The following CPNE4 variants were observed in gnomAD, a reference collection of about 807,000 sequenced individuals.
CPNE4 encodes copine-4.
CPNE4 carries 25 observed loss-of-function variants against 67.9 expected under a neutral mutation model. The observed-to-expected ratio is 0.37, with a 90% CI of 0.27 to 0.51. The LOEUF (loss-of-function observed/expected upper bound fraction) is 0.51, where lower values mean the gene tolerates loss of function less well. Among genes scored for constraint, CPNE4 ranks in the 20% least tolerant of loss-of-function variants. The pLI, the probability that CPNE4 is intolerant of heterozygous loss-of-function variation, is 0.93. For synonymous variants in CPNE4, 242 were observed against 244.9 expected, an observed-to-expected ratio of 0.99 and a Z score of 0.11; for missense variants, 464 against 690.8, an observed-to-expected ratio of 0.67 and a Z score of 3.68.
intron 1 of CPNE4, among the ~76,000 whole-genome samples, chr3:131,924,314 C>T (rs76026130): frequency 6.6e-6 from 1 of 152,124 alleles, no homozygotes; most frequent in African/African-American, 2.4e-5. Flanking sequence ...GCAAGAGAAG[C>T]AGAAACTGAG....
intron 2 of CPNE4, among the ~76,000 whole-genome samples, chr3:131,836,785 C>T (rs527744920): frequency 6.6e-6 from 1 of 152,166 alleles, no homozygotes; most frequent in Non-Finnish European, 1.5e-5. Context: ...AATGAAAACT[C>T]AAGCTACAGA....
chr3:131,559,327 A>G (rs758215296), intron 11 of CPNE4, among the ~76,000 whole-genome samples: 5 of 152,004 alleles, frequency 3.3e-5, no homozygotes, highest in Admixed American at 6.6e-5. Flanking sequence ...TAGTATTTAC[A>G]TTGATGATAA....
rs920495315 is a variant in CPNE4, at chr3:132,034,656, T to A, written c.-91A>T. The A allele has an allele frequency of 1.7e-5, 17 of 985,062 alleles. No homozygotes were observed. In the Admixed American group the frequency reaches 1.8e-4, roughly 11 times the overall value. 61.0% of individuals were successfully genotyped at this position (985,062 alleles called of 1,614,324 possible). A position where few individuals can be genotyped will look rare whatever the true frequency, so the allele number is the denominator to read the frequency against. The stretch of plus-strand genomic sequence containing the variant: ...CAGGATGCAAAATCCGGCTTTGAAG[T>A]GGAGGTGGTTGGTGTGGTAGTTTTG... On this transcript the variant is annotated 5_prime_UTR_variant, in exon 1 of 16. Transcript: ENST00000429747.
intron 1 of CPNE4, among the ~76,000 whole-genome samples, chr3:131,958,795 A>AT (rs1472045738): frequency 2.7e-5 from 4 of 150,800 alleles, no homozygotes; most frequent in Non-Finnish European, 4.4e-5. Flanking sequence ...AGTAACTGGG[A>AT]TTATGGGTGC....
At chr3:131,902,160 A>G (rs1466793744) in intron 2 of CPNE4, among the ~76,000 whole-genome samples, 2 of 152,120 alleles carry the variant, frequency 1.3e-5, no homozygotes, top group African/African-American at 4.8e-5. Flanking sequence ...GTACCACAAT[A>G]TCAATGAACC....
chr3:131,965,936 A>G (rs541245117), intron 1 of CPNE4, among the ~76,000 whole-genome samples: 2 of 152,314 alleles, frequency 1.3e-5, no homozygotes, highest in East Asian at 3.9e-4. Flanking sequence ...TCAGCACCAC[A>G]TCACACTTAT....
At chr3:131,628,786 C>T (rs2079144231) in intron 7 of CPNE4, among the ~76,000 whole-genome samples, 1 of 152,184 alleles carries the variant, frequency 6.6e-6, no homozygotes, top group Non-Finnish European at 1.5e-5. Flanking sequence ...ATTCTTCTCT[C>T]TTTTCTTCTT....
At chr3:131,993,312 A>C (rs1443147387) in intron 1 of CPNE4, among the ~76,000 whole-genome samples, 1 of 134,540 alleles carries the variant, frequency 7.4e-6, no homozygotes, top group East Asian at 2.4e-4. Flanking sequence ...GTCCAGGTTC[A>C]GGACCTTTAA....
chr3:131,593,794 C>T (rs1192743129), intron 7 of CPNE4, among the ~76,000 whole-genome samples: 2 of 152,128 alleles, frequency 1.3e-5, no homozygotes, highest in African/African-American at 4.8e-5. Flanking sequence ...TCACTGCAAC[C>T]TCTGCCTCCT....
At chr3:131,779,923 T>G (rs112865789) in intron 2 of CPNE4, among the ~76,000 whole-genome samples, 5 of 152,178 alleles carry the variant, frequency 3.3e-5, no homozygotes, top group African/African-American at 1.2e-4. Flanking sequence ...GGAGAAAATA[T>G]TTGCAAACTA....
intron 1 of CPNE4, among the ~76,000 whole-genome samples, chr3:132,022,298 T>C (rs974309665): frequency 2.0e-5 from 3 of 152,174 alleles, no homozygotes; most frequent in Admixed American, 6.5e-5. Context: ...ACCAACAGGG[T>C]TCATCATTCA....
chr3:131,541,791 C>T (rs1266832311), intron 15 of CPNE4, among the ~76,000 whole-genome samples: 1 of 152,072 alleles, frequency 6.6e-6, no homozygotes, highest in Admixed American at 6.5e-5. Flanking sequence ...CTGCCTCAGC[C>T]TCCCGAGTAG....
chr3:132,012,334 A>G (rs1435982400), intron 1 of CPNE4, among the ~76,000 whole-genome samples: 1 of 152,008 alleles, frequency 6.6e-6, no homozygotes, highest in Admixed American at 6.6e-5. Flanking sequence ...ACACCTGGCT[A>G]ATTTTTGTAA....
upstream of CPNE4, among the ~76,000 whole-genome samples, chr3:132,038,728 A>G (rs1950079): frequency 0.37 from 56,897 of 152,010 alleles, 11,032 homozygotes; most frequent in South Asian, 0.48. Flanking sequence ...TTTCATGCCT[A>G]TGATAAACCC....
At chr3:131,700,270 T>C (rs549111047) in intron 3 of CPNE4, among the ~76,000 whole-genome samples, 17 of 147,564 alleles carry the variant, frequency 1.2e-4, no homozygotes, top group African/African-American at 3.9e-4. Context: ...TATATTAAAA[T>C]TAGACAGACA....
chr3:131,757,717 C>G lies in CPNE4; in HGVS notation c.181-34092G>C, dbSNP rs557102911. 4.7e-3 allele frequency among the ~76,000 whole-genome samples: 710 copies of G among 152,288 alleles called. 2 individuals are homozygous for G. Among genetic ancestry groups the G allele is most frequent in the South Asian group, 0.016 (77 of 4,826 alleles). ...CCATGTTAGAGACCCTCAGGGCAGC[C>G]CCTCCCATCTCAGGCCCAGAGGCCC... On this transcript the variant is annotated intron_variant, in intron 2 of 15. Transcript: ENST00000429747.
At chr3:131,607,953 A>C (rs1045913957) in intron 7 of CPNE4, among the ~76,000 whole-genome samples, 1 of 152,190 alleles carries the variant, frequency 6.6e-6, no homozygotes, top group African/African-American at 2.4e-5. Flanking sequence ...AGCTGACAGC[A>C]GCTGCTTCCT....
chr3:131,627,473 C>A (rs2079109118), intron 7 of CPNE4, among the ~76,000 whole-genome samples: 2 of 152,128 alleles, frequency 1.3e-5, no homozygotes, highest in African/African-American at 4.8e-5. Context: ...GCTAACACAA[C>A]ATCCATTCTG....
intron 2 of CPNE4, among the ~76,000 whole-genome samples, chr3:131,821,649 A>T (rs969811431): frequency 1.3e-5 from 2 of 152,216 alleles, no homozygotes; most frequent in Non-Finnish European, 2.9e-5. Context: ...CAAACTGGGG[A>T]GTAATTCCTT....
Sources: gnomAD v4.1 joint callset for allele counts (sites outside exome capture counted in the v4.1 genomes callset) on GRCh38, gnomAD v4.1.1 for gene constraint, MANE v1.5 for transcripts, NCBI Gene and HGNC (gene_info 2026-07-23, HGNC 2026-07-21) for gene names.